The following SULF1 variants were observed in gnomAD, a reference collection of about 807,000 sequenced individuals.
The protein encoded by SULF1 is extracellular sulfatase Sulf-1.
Under a neutral mutation model 110.5 loss-of-function variants are expected in SULF1, and 46 were observed. The ratio of observed to expected loss-of-function variants is 0.42; its 90% CI spans 0.33 to 0.53. The LOEUF (loss-of-function observed/expected upper bound fraction) is 0.53, where lower values mean the gene tolerates loss of function less well. Ranked by LOEUF, SULF1 falls within the 20% of genes least tolerant of loss-of-function variation. SULF1 has a pLI of 0.12. For synonymous variants in SULF1, 371 were observed against 387.1 expected, an observed-to-expected ratio of 0.96 and a Z score of 0.49; for missense variants, 941 against 1,094.2, an observed-to-expected ratio of 0.86 and a Z score of 1.98.
chr8:69,539,452 G>A (rs1233738458), intron 3 of SULF1, among the ~76,000 whole-genome samples: 1 of 152,164 alleles, frequency 6.6e-6, no homozygotes. Context: ...CTTGGCAATT[G>A]CTAACTAGAT....
chr8:69,521,930 T>G (rs1431660336), intron 3 of SULF1, among the ~76,000 whole-genome samples: 1 of 151,272 alleles, frequency 6.6e-6, no homozygotes, highest in Non-Finnish European at 1.5e-5. Flanking sequence ...GCAAAAGTAG[T>G]CAGATGCTAG....
At chr8:69,635,140 T>C (rs777672718) in intron 19 of SULF1, among the ~76,000 whole-genome samples, 8 of 152,348 alleles carry the variant, frequency 5.3e-5, no homozygotes, top group Non-Finnish European at 1.0e-4. Flanking sequence ...AACAAAATCA[T>C]TCCTGGAGGG....
chr8:69,551,648 G>T (rs1376231904), intron 3 of SULF1, among the ~76,000 whole-genome samples: 1 of 152,198 alleles, frequency 6.6e-6, no homozygotes, highest in Non-Finnish European at 1.5e-5. Flanking sequence ...TTCAGCCCAT[G>T]CGAAGGTCTG....
intron 3 of SULF1, among the ~76,000 whole-genome samples, chr8:69,532,218 T>C (rs900291546): frequency 6.6e-6 from 1 of 152,236 alleles, no homozygotes; most frequent in African/African-American, 2.4e-5. Context: ...CTTTATCTTT[T>C]TCATTTAAAA....
chr8:69,530,690 T>TCC, intron 3 of SULF1, among the ~76,000 whole-genome samples: 1 of 152,320 alleles, frequency 6.6e-6, no homozygotes, highest in East Asian at 1.9e-4. Context: ...CAGAGTTCAG[T>TCC]CCAAGAGTCA....
At chr8:69,572,811 T>TC (rs1484414322) in intron 5 of SULF1, among the ~76,000 whole-genome samples, 5 of 152,144 alleles carry the variant, frequency 3.3e-5, no homozygotes, top group Admixed American at 1.3e-4. Flanking sequence ...CTGAGAACCT[T>TC]CAAGCCAGAT....
chr8:69,555,937 G>A (rs769878128), intron 3 of SULF1, among the ~76,000 whole-genome samples: 7 of 151,918 alleles, frequency 4.6e-5, no homozygotes, highest in Admixed American at 1.3e-4. Flanking sequence ...TTTGCATTGC[G>A]CCAGATTATG....
At chr8:69,564,761 A>T (rs1024375093) in intron 5 of SULF1, among the ~76,000 whole-genome samples, 9 of 152,200 alleles carry the variant, frequency 5.9e-5, no homozygotes, top group African/African-American at 1.9e-4. Flanking sequence ...CTTCTATATC[A>T]CCTGACTGGG....
At chr8:69,649,260 GTTCT>G (rs1812149905) in intron 22 of SULF1, among the ~76,000 whole-genome samples, 1 of 152,152 alleles carries the variant, frequency 6.6e-6, no homozygotes, top group South Asian at 2.1e-4. Flanking sequence ...GTTTTTTCTT[GTTCT>G]TTCACTCACT....
chr8:69,533,670 C>T (rs1032851342), intron 3 of SULF1, among the ~76,000 whole-genome samples: 4 of 152,000 alleles, frequency 2.6e-5, no homozygotes, highest in Non-Finnish European at 5.9e-5. Flanking sequence ...GCATTTGGGT[C>T]GATTCCATGT....
chr8:69,631,634 A>C (rs1810553522), intron 19 of SULF1, among the ~76,000 whole-genome samples: 1 of 152,248 alleles, frequency 6.6e-6, no homozygotes, highest in African/African-American at 2.4e-5. Context: ...TTACACTGGG[A>C]CCATTGCCTC....
intron 19 of SULF1, among the ~76,000 whole-genome samples, chr8:69,635,652 G>A (rs941013097): frequency 6.6e-6 from 1 of 151,962 alleles, no homozygotes; most frequent in Non-Finnish European, 1.5e-5. Context: ...CAGGCAGATC[G>A]CTTGAGTGTC....
In SULF1 at chr8:69,518,126, A is replaced by C. The variant is rs1173912586; in HGVS notation, c.-134+16158A>C. On this transcript the variant is annotated intron_variant, in intron 3 of 22. Coordinates refer to ENST00000402687, the MANE Select transcript of SULF1 (RefSeq NM_001128205.2). ...TTTTCCATTACCACCGCCATCTTCT[A>C]GTACTCAAGTTACACTGTATGTCAG... Among the ~76,000 whole-genome samples the C allele has an allele frequency of 3.3e-5, 5 of 152,214 alleles. No individual in the cohort carries two copies. In the East Asian group the frequency reaches 9.6e-4, roughly 29 times the overall value.
At position 69,502,669 on chromosome 8, in the gene SULF1, CTTTTCTTTTTCTTTTT is replaced by C. The variant is rs1301107663; in HGVS notation, c.-134+712_-134+727del. Among the ~76,000 whole-genome samples the C allele has an allele frequency of 3.5e-5, 5 of 142,630 alleles. No individual in the cohort carries two copies. The East Asian group carries it at 1.0e-3, about 29-fold the overall frequency. 93.6% of individuals were successfully genotyped at this position (142,630 alleles called of 152,430 possible). On this transcript the variant is annotated intron_variant, in intron 3 of 22. Coordinates refer to ENST00000402687, the MANE Select transcript of SULF1 (RefSeq NM_001128205.2). ...TTGCTATTTGCTTGATTTTTTTTTT[CTTTTCTTTTTCTTTTT>C]TTTTCTTTTTTTTTTTTTTTGAGAG...
At position 69,658,924 on chromosome 8, in the gene SULF1, G is replaced by A. The variant is rs115563984; in HGVS notation, c.*389G>A. The A allele has an allele frequency of 2.2e-3, 1,029 of 468,430 alleles. 10 individuals are homozygous for A. Among genetic ancestry groups the A allele is most frequent in the African/African-American group, 0.019 (947 of 50,756 alleles). The allele number at this position is 468,430 out of a possible 1,614,324, so 29.0% of individuals were successfully genotyped here. A position where few individuals can be genotyped will look rare whatever the true frequency, so the allele number is the denominator to read the frequency against. ...AGAGAGTAAACTTGAATGGAATAAC[G>A]ACATTCCAGAAGTTAATCATTTGAA... is the stretch of plus-strand genomic sequence containing the variant. On this transcript the variant is annotated 3_prime_UTR_variant, in exon 23 of 23. Transcript: ENST00000402687.
intron 3 of SULF1, among the ~76,000 whole-genome samples, chr8:69,541,629 G>C (rs544854154): frequency 8.5e-5 from 13 of 152,342 alleles, no homozygotes; most frequent in African/African-American, 3.1e-4. Context: ...TGAAAGTACA[G>C]ATTTCTTGTT....
chr8:69,650,561 G>C (rs1251988673), intron 22 of SULF1, among the ~76,000 whole-genome samples: 1 of 152,188 alleles, frequency 6.6e-6, no homozygotes, highest in Non-Finnish European at 1.5e-5. Context: ...AGTGAGCTGA[G>C]ATAGCACCAC....
intron 19 of SULF1, among the ~76,000 whole-genome samples, chr8:69,635,626 CT>C (rs1369413243): frequency 6.6e-6 from 1 of 152,216 alleles, no homozygotes; most frequent in Non-Finnish European, 1.5e-5. Context: ...AAGCCCAACA[CT>C]TTGAGAGACC....
chr8:69,603,692 G>T (rs1808012014), intron 12 of SULF1, 36 bp downstream of exon 12: 1 of 1,391,282 alleles, frequency 7.2e-7, no homozygotes, highest in Admixed American at 1.7e-5. Context: ...CTGGGAACCA[G>T]TCCTAGTGGG....
Sources: allele counts gnomAD v4.1 joint callset (sites outside exome capture counted in the v4.1 genomes callset), GRCh38; gene constraint gnomAD v4.1.1; transcripts MANE v1.5; gene names NCBI Gene and HGNC (gene_info 2026-07-23, HGNC 2026-07-21).